TRIO: variants seen among roughly 807,000 people sequenced by gnomAD.
TRIO encodes triple functional domain protein.
A neutral mutation model predicts 351.9 loss-of-function variants in TRIO; 58 were observed. The ratio of observed to expected loss-of-function variants is 0.16; its 90% CI spans 0.13 to 0.21. TRIO has a LOEUF of 0.21. Ranked by LOEUF, TRIO falls within the 10% of genes least tolerant of loss-of-function variation. The pLI, the probability that TRIO is intolerant of heterozygous loss-of-function variation, is 1.00. For missense variants in TRIO, 3,201 were observed against 4,027.8 expected (o/e 0.79, Z 5.56); for synonymous variants, 1,758 against 1,595.7 (o/e 1.10, Z -2.42).
In TRIO at chr5:14,348,290, T is replaced by C. The variant is rs142809961; in HGVS notation, c.2047-9888T>C. Among the ~76,000 whole-genome samples, 4 of 152,344 alleles carry C rather than the reference T, an allele frequency of 2.6e-5. No homozygotes were observed. The East Asian group carries it at 7.7e-4, about 29-fold the overall frequency. ...TGCCCTGGAAGCTATAGTTATAATA[T>C]CCTCGAACAGATTACACTGGTTATT... On this transcript the variant is annotated intron_variant, in intron 11 of 56. Transcript: ENST00000344204.
At chr5:14,349,760 G>A (rs1242212131) in intron 11 of TRIO, among the ~76,000 whole-genome samples, 1 of 152,200 alleles carries the variant, frequency 6.6e-6, no homozygotes, top group Non-Finnish European at 1.5e-5. Context: ...GGGTACATGT[G>A]CAGGCTTGTT....
chr5:14,219,459 G>C (rs141839308), intron 1 of TRIO, among the ~76,000 whole-genome samples: 1 of 152,180 alleles, frequency 6.6e-6, no homozygotes, highest in African/African-American at 2.4e-5. Context: ...TTACCAACCC[G>C]TGTGGGAATG....
intron 1 of TRIO, among the ~76,000 whole-genome samples, chr5:14,170,199 T>C (rs889866061): frequency 1.3e-5 from 2 of 152,202 alleles, no homozygotes; most frequent in Admixed American, 6.5e-5. Context: ...AGTTTCCTAC[T>C]AGACATATAA....
At chr5:14,155,186 G>A (rs1044603032) in intron 1 of TRIO, among the ~76,000 whole-genome samples, 1 of 152,152 alleles carries the variant, frequency 6.6e-6, no homozygotes, top group South Asian at 2.1e-4. Context: ...AACAGCTTCA[G>A]ATCCCCAGTT....
chr5:14,336,776 G>A (rs1284913934), intron 11 of TRIO, 49 bp downstream of exon 11: 1 of 1,597,410 alleles, frequency 6.3e-7, no homozygotes, highest in Non-Finnish European at 8.6e-7. Context: ...AAGGGTCTTT[G>A]AACTCTTTTG....
Position 14,387,819 on chromosome 5 carries a change from G to C in TRIO, c.3853G>C (p.Glu1285Gln). 6.2e-7 allele frequency: 1 copy of C among 1,614,164 alleles called. No homozygotes were observed. Among genetic ancestry groups the C allele is most frequent in the Non-Finnish European group, 8.5e-7 (1 of 1,180,044 alleles). ...AGATGCTGCTCATGAACTTAATGAA[G>C]AGAAGCGGAAATCTGCCCGCAGGAA... ...LRDAAHELNE[E>Q]KRKSARRKEF... The change falls in exon 23 of 57, where the codon GAG (glutamate) becomes CAG (glutamine). Residue 1285 changes from glutamate (E) to glutamine (Q), a missense_variant. Transcript: ENST00000344204.
At chr5:14,221,996 T>C (rs528254643) in intron 1 of TRIO, among the ~76,000 whole-genome samples, 1 of 152,316 alleles carries the variant, frequency 6.6e-6, no homozygotes, top group East Asian at 1.9e-4. Flanking sequence ...CACTGTCTTA[T>C]TTTAAGAAAT....
intron 1 of TRIO, among the ~76,000 whole-genome samples, chr5:14,238,139 G>T (rs1012266582): frequency 6.6e-6 from 1 of 152,100 alleles, no homozygotes; most frequent in African/African-American, 2.4e-5. Flanking sequence ...CAGTTCTCTC[G>T]AAACAGTGTA....
In TRIO at chr5:14,406,603, C is replaced by T. The variant is rs780909267; in HGVS notation, c.4890C>T (p.Asp1630=). The T allele has an allele frequency of 4.2e-5, 67 of 1,614,044 alleles. No homozygotes were observed. The highest frequency in any genetic ancestry group is 4.5e-5 in the East Asian group (2 of 44,860). The change falls in exon 33 of 57, where the codon GAC becomes GAT. Residue 1630 remains aspartate, a synonymous_variant. Transcript: ENST00000344204. ...GAGAGGATCTGGACAGCCAAGGAGA[C>T]GGCAGCAGCCAGCCTGATACGATTT... ...RDGEDLDSQG[D]GSSQPDTISI...
chr5:14,364,397 C>T (rs1478210226), intron 14 of TRIO, among the ~76,000 whole-genome samples: 2 of 152,142 alleles, frequency 1.3e-5, no homozygotes, highest in African/African-American at 2.4e-5. Context: ...CCCTGAAATT[C>T]GCTCATTTGT....
intron 11 of TRIO, among the ~76,000 whole-genome samples, chr5:14,347,782 GA>G (rs1415344055): frequency 6.6e-6 from 1 of 152,212 alleles, no homozygotes; most frequent in Non-Finnish European, 1.5e-5. Flanking sequence ...GAAAGCCTGT[GA>G]GTGGTTGAAT....
chr5:14,310,344 G>A (rs1053187574), intron 8 of TRIO, among the ~76,000 whole-genome samples: 1 of 152,266 alleles, frequency 6.6e-6, no homozygotes, highest in Non-Finnish European at 1.5e-5. Flanking sequence ...AAGGGCCACT[G>A]CTGCAGCCAC....
At chr5:14,197,326 C>T (rs1043545267) in intron 1 of TRIO, among the ~76,000 whole-genome samples, 1 of 152,140 alleles carries the variant, frequency 6.6e-6, no homozygotes, top group Non-Finnish European at 1.5e-5. Context: ...TTATCCCCAG[C>T]TCCGTCCTCA....
Position 14,396,443 on chromosome 5 carries a change from C to CTTTTTTTTTTTTTTT in TRIO, c.4312-570_4312-556dup, listed in dbSNP as rs1173121592. On this transcript the variant is annotated intron_variant, in intron 28 of 56. Coordinates refer to ENST00000344204, the MANE Select transcript of TRIO (RefSeq NM_007118.4). ...ATAATAATTAAATATTTCTATTTAT[C>CTTTTTTTTTTTTTTT]TTTTTTTTTTTTTTTTTTTTTTTTT... is the stretch of plus-strand genomic sequence containing the variant. Among the ~76,000 whole-genome samples the CTTTTTTTTTTTTTTT allele has an allele frequency of 7.2e-4, 30 of 41,554 alleles. 8 individuals carry two copies. The highest frequency in any genetic ancestry group is 2.6e-3 in the East Asian group (2 of 762). 27.3% of individuals were successfully genotyped at this position (41,554 alleles called of 152,430 possible).
chr5:14,316,880 T>A, intron 9 of TRIO, 137 bp downstream of exon 9: 1 of 1,051,722 alleles, frequency 9.5e-7, no homozygotes, highest in Non-Finnish European at 1.4e-6. Flanking sequence ...TTGTTGAATG[T>A]AAGTGAAAAC....
intron 10 of TRIO, among the ~76,000 whole-genome samples, chr5:14,333,970 A>G (rs1741155450): frequency 6.6e-6 from 1 of 152,096 alleles, no homozygotes; most frequent in African/African-American, 2.4e-5. Context: ...ATGCTCCCTG[A>G]CTCTGATATC....
At chr5:14,167,872 A>ATTCAT (rs1788863893) in intron 1 of TRIO, among the ~76,000 whole-genome samples, 2 of 152,180 alleles carry the variant, frequency 1.3e-5, no homozygotes, top group African/African-American at 4.8e-5. Flanking sequence ...AATACTGAAC[A>ATTCAT]TTCATTTCTT....
At chr5:14,346,766 A>G (rs984771871) in intron 11 of TRIO, among the ~76,000 whole-genome samples, 3 of 152,364 alleles carry the variant, frequency 2.0e-5, no homozygotes, top group East Asian at 1.9e-4. Context: ...AAAGGAAAGT[A>G]TGGGCTATCT....
chr5:14,210,454 G>A (rs145908407), intron 1 of TRIO, among the ~76,000 whole-genome samples: 165 of 152,316 alleles, frequency 1.1e-3, no homozygotes, highest in African/African-American at 3.8e-3. Context: ...GCTTCTTGCT[G>A]TCCAGGTGCC....
Sources: gnomAD v4.1 joint callset for allele counts (sites outside exome capture counted in the v4.1 genomes callset) on GRCh38, gnomAD v4.1.1 for gene constraint, MANE v1.5 for transcripts, NCBI Gene and HGNC (gene_info 2026-07-23, HGNC 2026-07-21) for gene names.